STX8: variants seen among roughly 807,000 people sequenced by gnomAD.
STX8 encodes the protein syntaxin-8.
In STX8, 23 loss-of-function variants were observed where a neutral mutation model predicts 37.5. That is an observed-to-expected ratio of 0.61 (90% CI 0.44 to 0.87). The LOEUF (loss-of-function observed/expected upper bound fraction) is 0.87, where lower values mean the gene tolerates loss of function less well. STX8 is among the 40% of genes least tolerant of loss of function. The pLI is 0.00. For synonymous variants in STX8, 115 were observed against 99.1 expected, an observed-to-expected ratio of 1.16 and a Z score of -0.95; for missense variants, 313 against 284.7, an observed-to-expected ratio of 1.10 and a Z score of -0.71.
At chr17:9,494,143 G>C (rs1236264706) in intron 5 of STX8, among the ~76,000 whole-genome samples, 1 of 151,844 alleles carries the variant, frequency 6.6e-6, no homozygotes, top group East Asian at 2.0e-4. Flanking sequence ...AGCCTCCCGA[G>C]TAGCTGGGAC....
At chr17:9,337,720 G>A (rs377269628) in intron 7 of STX8, among the ~76,000 whole-genome samples, 1 of 152,178 alleles carries the variant, frequency 6.6e-6, no homozygotes, top group African/African-American at 2.4e-5. Flanking sequence ...TGTTCTGGAG[G>A]ACATACCATC....
intron 6 of STX8, among the ~76,000 whole-genome samples, chr17:9,491,496 G>A (rs574088644): frequency 6.6e-6 from 1 of 152,278 alleles, no homozygotes; most frequent in East Asian, 1.9e-4. Context: ...GGGGATGACA[G>A]GAGGCCCACA....
intron 5 of STX8, among the ~76,000 whole-genome samples, chr17:9,494,615 C>CAAAAAAAAAAA (rs35806606): frequency 1.6e-5 from 1 of 64,292 alleles, no homozygotes; most frequent in Non-Finnish European, 2.7e-5. Context: ...GAACCTGTCT[C>CAAAAAAAAAAA]AAAAAAAAAA....
At chr17:9,361,832 G>A (rs1911073055) in intron 7 of STX8, among the ~76,000 whole-genome samples, 1 of 152,152 alleles carries the variant, frequency 6.6e-6, no homozygotes, top group African/African-American at 2.4e-5. Flanking sequence ...TCTGATATTT[G>A]AATTTCCATT....
intron 5 of STX8, among the ~76,000 whole-genome samples, chr17:9,500,664 C>G (rs532058325): frequency 1.3e-5 from 2 of 152,146 alleles, no homozygotes; most frequent in Non-Finnish European, 2.9e-5. Context: ...TTTTGATATA[C>G]AAGCAACAAT....
In STX8 at chr17:9,449,068, C is replaced by T. The variant is rs184276962; in HGVS notation, c.541+42761G>A. ...ACTGATGGAAATGCAAATAATCCAG[C>T]CACCTTAGAAACAGTTGATCAGTTT... is the stretch of plus-strand genomic sequence containing the variant. On this transcript the variant is annotated intron_variant, in intron 6 of 7. Coordinates refer to ENST00000306357, the MANE Select transcript of STX8 (RefSeq NM_004853.3). Among the ~76,000 whole-genome samples the T allele has an allele frequency of 1.4e-3, 214 of 152,250 alleles. 1 individual carries two copies. Among genetic ancestry groups the T allele is most frequent in the African/African-American group, 5.0e-3 (207 of 41,528 alleles).
intron 6 of STX8, among the ~76,000 whole-genome samples, chr17:9,409,098 C>T (rs967492932): frequency 5.9e-5 from 9 of 151,954 alleles, no homozygotes; most frequent in African/African-American, 2.2e-4. Flanking sequence ...CCGCCCCCAC[C>T]AGAGCTGGTT....
intron 6 of STX8, among the ~76,000 whole-genome samples, chr17:9,478,201 T>A (rs1386561909): frequency 6.6e-6 from 1 of 152,202 alleles, no homozygotes; most frequent in African/African-American, 2.4e-5. Flanking sequence ...AGTGGTGCAA[T>A]CTCGCCTCAC....
At chr17:9,495,926 G>A (rs12451116) in intron 5 of STX8, among the ~76,000 whole-genome samples, 26,643 of 152,090 alleles carry the variant, frequency 0.18, 2,520 homozygotes, top group South Asian at 0.24. Flanking sequence ...GGTGGTGTGC[G>A]CCTGTAGTCT....
At chr17:9,399,873 A>C (rs955655453) in intron 6 of STX8, among the ~76,000 whole-genome samples, 4 of 151,420 alleles carry the variant, frequency 2.6e-5, no homozygotes, top group African/African-American at 9.7e-5. Flanking sequence ...CTCAAAAAAA[A>C]AAAAAAAAGA....
rs74316361 is a variant in STX8 at position 9,387,597 on chromosome 17, A to G, written c.542-8944T>C. 5.1e-3 allele frequency among the ~76,000 whole-genome samples: 783 copies of G among 152,218 alleles called. 3 individuals carry two copies. Among genetic ancestry groups the G allele is most frequent in the African/African-American group, 0.018 (750 of 41,530 alleles). ...CGTGAGCCACCACGCCTGGCCAAAA[A>G]GTGGGCATTTTTATGATCTGTGCCT... On this transcript the variant is annotated intron_variant, in intron 6 of 7. Coordinates refer to ENST00000306357, the MANE Select transcript of STX8 (RefSeq NM_004853.3).
At chr17:9,256,779 C>T (rs1443556262) in intron 7 of STX8, among the ~76,000 whole-genome samples, 1 of 152,146 alleles carries the variant, frequency 6.6e-6, no homozygotes, top group Non-Finnish European at 1.5e-5. Context: ...ACCCCCCTGC[C>T]GGAGGGACAT....
chr17:9,297,884 G>A (rs12103833), intron 7 of STX8, among the ~76,000 whole-genome samples: 1 of 152,046 alleles, frequency 6.6e-6, no homozygotes, highest in Non-Finnish European at 1.5e-5. Flanking sequence ...TGCAGCAGGA[G>A]CATCTTCTGA....
chr17:9,520,398 A>G (rs1597721748), intron 4 of STX8, among the ~76,000 whole-genome samples: 1 of 152,200 alleles, frequency 6.6e-6, no homozygotes, highest in African/African-American at 2.4e-5. Context: ...AGTAAGAGGC[A>G]TTTTTCCTCT....
chr17:9,388,278 G>A (rs1406129048), intron 6 of STX8, among the ~76,000 whole-genome samples: 1 of 150,952 alleles, frequency 6.6e-6, no homozygotes, highest in Non-Finnish European at 1.5e-5. Context: ...CATAATGTTG[G>A]CCAGGCTGGT....
intron 3 of STX8, among the ~76,000 whole-genome samples, chr17:9,547,627 C>CAAAAA (rs11377271): frequency 3.8e-5 from 2 of 53,274 alleles, no homozygotes; most frequent in South Asian, 9.9e-4. Context: ...GACTCCGTCT[C>CAAAAA]AAAAAAAAAA....
intron 7 of STX8, among the ~76,000 whole-genome samples, chr17:9,348,417 CAAAAAAAAA>C (rs1190839413): frequency 1.0e-5 from 1 of 99,472 alleles, no homozygotes; most frequent in South Asian, 3.6e-4. Context: ...GACTCTGTCT[CAAAAAAAAA>C]AAAAAAAAAA....
rs111555086 is a variant in STX8 at position 9,394,384 on chromosome 17, A to AT, written c.542-15732dup. ...ATTATTTATTTATTTATTTAAATTC[A>AT]TTTTTTTTTTTGAGACTAAGTCTCA... On this transcript the variant is annotated intron_variant, in intron 6 of 7. Coordinates refer to ENST00000306357, the MANE Select transcript of STX8 (RefSeq NM_004853.3). 8.6e-3 allele frequency among the ~76,000 whole-genome samples: 1,268 copies of AT among 148,000 alleles called. 11 individuals carry two copies. The highest frequency in any genetic ancestry group is 0.023 in the African/African-American group (952 of 40,700).
intron 4 of STX8, among the ~76,000 whole-genome samples, chr17:9,527,393 G>A (rs1210342290): frequency 6.6e-6 from 1 of 151,504 alleles, no homozygotes; most frequent in African/African-American, 2.4e-5. Flanking sequence ...GCAGTGAGCT[G>A]TGATCTCACC....
Sources: gnomAD v4.1 joint callset for allele counts (sites outside exome capture counted in the v4.1 genomes callset) on GRCh38, gnomAD v4.1.1 for gene constraint, MANE v1.5 for transcripts, NCBI Gene and HGNC (gene_info 2026-07-23, HGNC 2026-07-21) for gene names.